Variants in DOCK3 observed in about 807,000 individuals in gnomAD.
DOCK3 encodes dedicator of cytokinesis protein 3.
In DOCK3, 60 loss-of-function variants were observed where a neutral mutation model predicts 265.6. The observed-to-expected ratio is 0.23, with a 90% CI of 0.18 to 0.28. The LOEUF (loss-of-function observed/expected upper bound fraction) is 0.28. DOCK3 is among the 10% of genes least tolerant of loss of function. DOCK3 has a pLI of 1.00. For missense variants in DOCK3, 1,981 were observed against 2,594.3 expected, an observed-to-expected ratio of 0.76 and a Z score of 5.14; for synonymous variants, 881 against 938.0, an observed-to-expected ratio of 0.94 and a Z score of 1.11.
chr3:50,943,422 G>A (rs940635376), intron 5 of DOCK3, among the ~76,000 whole-genome samples: 22 of 152,054 alleles, frequency 1.4e-4, no homozygotes, highest in African/African-American at 2.4e-4. Flanking sequence ...TAAATAGTAC[G>A]TTATATAATA....
intron 3 of DOCK3, among the ~76,000 whole-genome samples, chr3:50,874,498 G>A (rs2047600845): frequency 6.7e-6 from 1 of 149,732 alleles, no homozygotes; most frequent in Non-Finnish European, 1.5e-5. Context: ...ATGGGACCCT[G>A]TATCTTAGAA....
chr3:51,287,746 A>G (rs1303849697), intron 27 of DOCK3, among the ~76,000 whole-genome samples: 1 of 152,180 alleles, frequency 6.6e-6, no homozygotes, highest in Non-Finnish European at 1.5e-5. Flanking sequence ...CAACTTAAAA[A>G]AGAACTACCA....
intron 5 of DOCK3, among the ~76,000 whole-genome samples, chr3:51,032,646 A>G (rs1325657085): frequency 6.6e-6 from 1 of 152,144 alleles, no homozygotes; most frequent in African/African-American, 2.4e-5. Flanking sequence ...AGTGGCTAAC[A>G]TCTATAATCA....
chr3:51,159,341 G>T, intron 11 of DOCK3, 37 bp downstream of exon 11: 1 of 1,590,342 alleles, frequency 6.3e-7, no homozygotes, highest in Non-Finnish European at 8.6e-7. Context: ...GACTAAGAAT[G>T]GCCCAACTTG....
At chr3:50,962,682 C>T (rs2076920881) in intron 5 of DOCK3, among the ~76,000 whole-genome samples, 1 of 151,102 alleles carries the variant, frequency 6.6e-6, no homozygotes, top group African/African-American at 2.4e-5. Flanking sequence ...AGACCTGTAG[C>T]TTAGAGAACA....
chr3:51,157,447 T>C (rs747626250), intron 10 of DOCK3, among the ~76,000 whole-genome samples: 6 of 152,162 alleles, frequency 3.9e-5, no homozygotes, highest in Non-Finnish European at 5.9e-5. Context: ...GGTTTCACCA[T>C]GTTGGCCAGG....
chr3:51,171,947 G>A (rs904861271), intron 12 of DOCK3, among the ~76,000 whole-genome samples: 1 of 151,966 alleles, frequency 6.6e-6, no homozygotes, highest in Non-Finnish European at 1.5e-5. Context: ...TACTGTTATT[G>A]TATTGTACTA....
chr3:51,228,512 T>C (rs905118162), intron 17 of DOCK3, 149 bp from the exon 18 acceptor site: 6 of 872,430 alleles, frequency 6.9e-6, no homozygotes, highest in Admixed American at 2.9e-5. Context: ...AGGGAGTTTC[T>C]GAACAGAAAG....
intron 2 of DOCK3, among the ~76,000 whole-genome samples, chr3:50,812,692 C>G (rs913879760): frequency 6.6e-6 from 1 of 152,226 alleles, no homozygotes; most frequent in African/African-American, 2.4e-5. Flanking sequence ...ATGTGGGCCA[C>G]TCACAATGGG....
At chr3:50,900,944 C>T in intron 4 of DOCK3, 2 of 426,728 alleles carry the variant, frequency 4.7e-6, no homozygotes, top group Non-Finnish European at 9.3e-6. Flanking sequence ...AGTCAGGAGG[C>T]ACGGGGGTCA....
intron 9 of DOCK3, among the ~76,000 whole-genome samples, chr3:51,128,785 G>A (rs755578863): frequency 6.6e-6 from 1 of 152,176 alleles, no homozygotes; most frequent in Non-Finnish European, 1.5e-5. Flanking sequence ...GCCGTAGCCA[G>A]GTCAGCCTTG....
At chr3:51,045,758 G>C (rs538730338) in intron 5 of DOCK3, among the ~76,000 whole-genome samples, 1 of 151,960 alleles carries the variant, frequency 6.6e-6, no homozygotes, top group South Asian at 2.1e-4. Flanking sequence ...AAAATGTCTT[G>C]GTATTTATAA....
intron 5 of DOCK3, among the ~76,000 whole-genome samples, chr3:50,943,906 A>G (rs1575585957): frequency 6.6e-6 from 1 of 152,272 alleles, no homozygotes; most frequent in Admixed American, 6.5e-5. Flanking sequence ...TATGCTATAA[A>G]TGGATGTTAT....
intron 37 of DOCK3, among the ~76,000 whole-genome samples, chr3:51,340,541 T>C (rs113768976): frequency 6.6e-6 from 1 of 152,256 alleles, no homozygotes; most frequent in African/African-American, 2.4e-5. Context: ...GGGGAGTAGA[T>C]TTGAGTAGGG....
intron 6 of DOCK3, among the ~76,000 whole-genome samples, chr3:51,069,587 T>G (rs1165461015): frequency 2.0e-5 from 3 of 152,084 alleles, no homozygotes; most frequent in African/African-American, 7.2e-5. Context: ...TGTGTGTGTG[T>G]GTGTATATAT....
intron 9 of DOCK3, among the ~76,000 whole-genome samples, chr3:51,114,881 C>T (rs1295121631): frequency 6.6e-6 from 1 of 151,846 alleles, no homozygotes; most frequent in Non-Finnish European, 1.5e-5. Context: ...TCAGCTCCCA[C>T]TTACGAGTGA....
intron 4 of DOCK3, among the ~76,000 whole-genome samples, chr3:50,933,262 C>A (rs1205951623): frequency 6.6e-6 from 1 of 152,174 alleles, no homozygotes; most frequent in Non-Finnish European, 1.5e-5. Context: ...TTATTACTGT[C>A]CATGTCTGTC....
intron 5 of DOCK3, among the ~76,000 whole-genome samples, chr3:51,000,315 C>T (rs969239326): frequency 2.0e-5 from 3 of 152,166 alleles, no homozygotes; most frequent in African/African-American, 7.2e-5. Flanking sequence ...CTTGTGGCAG[C>T]GTTTCAGGTA....
At chr3:51,047,992 T>C (rs1252598290) in intron 5 of DOCK3, among the ~76,000 whole-genome samples, 1 of 152,080 alleles carries the variant, frequency 6.6e-6, no homozygotes, top group South Asian at 2.1e-4. Context: ...CAAAAAAATA[T>C]TCAGAAACTG....
Sources: gnomAD v4.1 joint callset for allele counts (sites outside exome capture counted in the v4.1 genomes callset) on GRCh38, gnomAD v4.1.1 for gene constraint, MANE v1.5 for transcripts, NCBI Gene and HGNC (gene_info 2026-07-23, HGNC 2026-07-21) for gene names.